CSNK1D: variants seen among roughly 807,000 people sequenced by gnomAD.
CSNK1D encodes the protein casein kinase I isoform delta.
A neutral mutation model predicts 46.6 loss-of-function variants in CSNK1D; 16 were observed. The observed-to-expected ratio is 0.34, with a 90% confidence interval of 0.23 to 0.52. The LOEUF is 0.52. Ranked by LOEUF, CSNK1D falls within the 20% of genes least tolerant of loss-of-function variation. The pLI is 0.95. For synonymous variants in CSNK1D, 276 were observed against 228.2 expected, an observed-to-expected ratio of 1.21 and a Z score of -1.89; for missense variants, 398 against 578.4, an observed-to-expected ratio of 0.69 and a Z score of 3.20.
chr17:82,253,901 C>A (rs1217512608), intron 3 of CSNK1D: 1 of 244,998 alleles, frequency 4.1e-6, no homozygotes, highest in African/African-American at 2.8e-5. Flanking sequence ...AGCTGAGCCG[C>A]CGGAGCCTCG....
Position 82,249,001 on chromosome 17 carries a change from G to A in CSNK1D, c.1071C>T (p.Pro357=). ...CTCTCTCCATGCCGGAGACGGGCCGGGGGGAGGTGTTAGCTGAGGACAGGG... is the reference window on the plus strand; with the variant it reads ...CTCTCTCCATGCCGGAGACGGGCCGAGGGGAGGTGTTAGCTGAGGACAGGG... ...TPTSHTANTS[P]RPVSGMERER... is the part of the protein sequence containing the mutation. The change falls in exon 8 of 9, where the codon CCC becomes CCT. Residue 357 remains proline (P), a synonymous_variant. Coordinates refer to ENST00000314028, the MANE Select transcript of CSNK1D (RefSeq NM_001893.6). The surrounding 1 kb of genome is among the most constrained non-coding windows in gnomAD (Gnocchi z 6.7). 3.2e-6 allele frequency: 5 copies of A among 1,562,198 alleles called. No homozygotes were observed. Among genetic ancestry groups the A allele is most frequent in the Non-Finnish European group, 4.3e-6 (5 of 1,152,306 alleles).
Position 82,255,030 on chromosome 17 carries a change from C to T in CSNK1D, c.336+399G>A, listed in dbSNP as rs1384472686. 1.7e-5 allele frequency: 6 copies of T among 352,168 alleles called. No homozygotes were observed. Among genetic ancestry groups the T allele is most frequent in the East Asian group, 7.8e-5 (1 of 12,742 alleles). The allele number at this position is 352,168 out of a possible 1,614,324, so 21.8% of individuals were successfully genotyped here. On this transcript the variant is annotated intron_variant, in intron 3 of 8. Coordinates refer to ENST00000314028, the MANE Select transcript of CSNK1D (RefSeq NM_001893.6). This position sits in a 1 kb window ranked among gnomAD's most constrained non-coding sequence, Gnocchi z 5.9. ...GCCTCGAGAAGCCAGTGAGCTGAGC[C>T]GTCGGAGCCTCGAGAAGCCAGTGAG...
Position 82,243,402 on chromosome 17 carries a change from C to G in CSNK1D, c.*1379G>C. On this transcript the variant is annotated 3_prime_UTR_variant, in exon 9 of 9. Coordinates refer to ENST00000314028, the MANE Select transcript of CSNK1D (RefSeq NM_001893.6). ...GAGCACATGGCCACTGGCTACCGCC[C>G]AAGTGCTGCGGAGTGAGAGGCGAGA... 1.0e-6 allele frequency: 1 copy of G among 985,516 alleles called. No individual in the cohort carries two copies. The highest frequency in any genetic ancestry group is 1.2e-6 in the Non-Finnish European group (1 of 829,984). 61.0% of individuals were successfully genotyped at this position (985,516 alleles called of 1,614,324 possible). A position where few individuals can be genotyped will look rare whatever the true frequency, so the allele number is the denominator to read the frequency against.
At chr17:82,239,934 G>A, downstream of CSNK1D, 2 of 1,158,538 alleles carry the variant, frequency 1.7e-6, no homozygotes, top group Non-Finnish European at 2.2e-6. Context: ...GGCCAGCAGT[G>A]GCCTGCGTGG....
chr17:82,273,452 G>C lies in CSNK1D; in HGVS notation c.-71C>G, dbSNP rs914077639. The C allele has an allele frequency of 1.3e-5, 20 of 1,569,356 alleles. No individual in the cohort carries two copies. The African/African-American group carries it at 2.6e-4, about 20-fold the overall frequency. On this transcript the variant is annotated 5_prime_UTR_variant, in exon 1 of 9. Transcript: ENST00000314028. This position sits in a 1 kb window ranked among gnomAD's most constrained non-coding sequence, Gnocchi z 5.1. The stretch of plus-strand genomic sequence containing the variant: ...GGTCTGAACTCTGGGAGGCGGCGCC[G>C]CTGCTGCCGCTACTGCGGGTCCGGC...
chr17:82,239,988 T>C (rs2050719088), downstream of CSNK1D: 2 of 1,233,646 alleles, frequency 1.6e-6, no homozygotes, highest in Non-Finnish European at 1.0e-6. Flanking sequence ...AGTAGGTGCG[T>C]CGTGGGCGCT....
chr17:82,263,249 G>C (rs2051385693), intron 2 of CSNK1D, among the ~76,000 whole-genome samples: 1 of 152,196 alleles, frequency 6.6e-6, no homozygotes, highest in Non-Finnish European at 1.5e-5. Context: ...AGGTGTCTGT[G>C]CATTTAACAC....
chr17:82,239,076 T>G, downstream of CSNK1D: 1 of 1,226,550 alleles, frequency 8.2e-7, no homozygotes, highest in South Asian at 1.7e-5. Flanking sequence ...GGGCCACGGC[T>G]GGGCTCCAGC....
Position 82,248,985 on chromosome 17 carries a change from T to A in CSNK1D, c.1087A>T (p.Met363Leu), listed in dbSNP as rs1049612674. ...ANTSPRPVSG[M>L]ERERKVSMRL... Reference sequence around the variant, plus strand: ...ATACTCACTTTCCGCTCTCTCTCCATGCCGGAGACGGGCCGGGGGGAGGTG... The same window carrying A: ...ATACTCACTTTCCGCTCTCTCTCCAAGCCGGAGACGGGCCGGGGGGAGGTG... Residue 363 changes from methionine (M) to leucine (L), a missense_variant, in exon 8 of 9, where the codon ATG becomes TTG. Physicochemically the swap from Met to Leu is conservative, Grantham distance 15. Around this residue, in one of 2 missense-constraint regions of CSNK1D, gnomAD observed 181 missense variants for 208.0 expected, o/e 0.87. Coordinates refer to ENST00000314028, the MANE Select transcript of CSNK1D (RefSeq NM_001893.6). The surrounding 1 kb of genome is among the most constrained non-coding windows in gnomAD (Gnocchi z 4.1). 1.9e-6 allele frequency: 3 copies of A among 1,574,024 alleles called. No individual in the cohort carries two copies. Among genetic ancestry groups the A allele is most frequent in the Admixed American group, 1.8e-5 (1 of 54,542 alleles).
intron 2 of CSNK1D, among the ~76,000 whole-genome samples, chr17:82,259,621 A>G (rs1164430267): frequency 6.6e-6 from 1 of 152,270 alleles, no homozygotes; most frequent in Non-Finnish European, 1.5e-5. Flanking sequence ...TGCCCCAGAC[A>G]CATGGACAAG....
rs1474084619 is a variant in CSNK1D at position 82,248,932 on chromosome 17, G to A, written c.1140C>T (p.Asn380=). The change falls in exon 8 of 9, where the codon AAC becomes AAT. Residue 380 remains asparagine (N), a synonymous_variant. Transcript: ENST00000314028. This position sits in a 1 kb window ranked among gnomAD's most constrained non-coding sequence, Gnocchi z 4.1. ...SMRLHRGAPV[N]ISSSDLTGRQ... The stretch of plus-strand genomic sequence containing the variant: ...GGCCTGTGAGGTCGGACGAGGAGAT[G>A]TTGACGGGGGCCCCGCGGTGCAGCC... The A allele has an allele frequency of 8.1e-6, 13 of 1,607,098 alleles. No individual in the cohort carries two copies. Among genetic ancestry groups the A allele is most frequent in the East Asian group, 2.2e-5 (1 of 44,678 alleles).
At chr17:82,245,560 C>G (rs559461522) in intron 8 of CSNK1D, 3 of 275,536 alleles carry the variant, frequency 1.1e-5, no homozygotes, top group African/African-American at 6.6e-5. Flanking sequence ...CAACACCAAG[C>G]GTGGAGCCAC....
At chr17:82,265,932 A>C in intron 1 of CSNK1D, 136 bp from the exon 2 acceptor site, 2 of 780,266 alleles carry the variant, frequency 2.6e-6, no homozygotes, top group Admixed American at 3.8e-5. Flanking sequence ...CTAGCATAGT[A>C]AGGCGGGCTA....
chr17:82,251,335 C>T lies in CSNK1D; in HGVS notation c.885+44G>A. On this transcript the variant is annotated intron_variant, in intron 6 of 8. Transcript: ENST00000314028. The surrounding 1 kb of genome is among the most constrained non-coding windows in gnomAD (Gnocchi z 4.5). ...GCCGGCCTCTCACTGACAAGCCATCCCCCGCACACCACACTCAGCGAACGT... is the reference window on the plus strand; with the variant it reads ...GCCGGCCTCTCACTGACAAGCCATCTCCCGCACACCACACTCAGCGAACGT... 1 of 1,612,700 alleles carries T rather than the reference C, an allele frequency of 6.2e-7. No homozygotes were observed.
At position 82,255,944 on chromosome 17, in the gene CSNK1D, C is replaced by T. The variant is rs1391599092; in HGVS notation, c.188-367G>A. On this transcript the variant is annotated intron_variant, in intron 2 of 8. Coordinates refer to ENST00000314028, the MANE Select transcript of CSNK1D (RefSeq NM_001893.6). This position sits in a 1 kb window ranked among gnomAD's most constrained non-coding sequence, Gnocchi z 5.9. Reference sequence around the variant, plus strand: ...TCAGGCATAAAGGAGCAGCAGAGCCCGCCAGAAACGTCACACAGGAGATGG... The same window carrying T: ...TCAGGCATAAAGGAGCAGCAGAGCCTGCCAGAAACGTCACACAGGAGATGG... Among the ~76,000 whole-genome samples, 3 of 152,132 alleles carry T rather than the reference C, an allele frequency of 2.0e-5. No homozygotes were observed. Among genetic ancestry groups the T allele is most frequent in the Non-Finnish European group, 2.9e-5 (2 of 68,028 alleles).
rs572602352 is a variant in CSNK1D at position 82,243,521 on chromosome 17, C to T, written c.*1260G>A. On this transcript the variant is annotated 3_prime_UTR_variant, in exon 9 of 9. Transcript: ENST00000314028. ...TGCCTTCTGGTGGGACTCGGCCCCACGCACGCTGCTTCACTTCTGACCAAC... is the reference window on the plus strand; with the variant it reads ...TGCCTTCTGGTGGGACTCGGCCCCATGCACGCTGCTTCACTTCTGACCAAC... The T allele has an allele frequency of 7.3e-5, 72 of 985,494 alleles. 1 individual carries two copies. The South Asian group carries it at 1.7e-3, about 23-fold the overall frequency. 61.0% of individuals were successfully genotyped at this position (985,494 alleles called of 1,614,324 possible).
intron 2 of CSNK1D, among the ~76,000 whole-genome samples, chr17:82,258,707 A>G (rs1435017988): frequency 6.6e-6 from 1 of 152,186 alleles, no homozygotes; most frequent in Admixed American, 6.5e-5. Flanking sequence ...AATGCCTGCC[A>G]TGTGTTCCAG....
chr17:82,241,701 C>T (rs1819084128), downstream of CSNK1D, among the ~76,000 whole-genome samples: 1 of 152,210 alleles, frequency 6.6e-6, no homozygotes, highest in Non-Finnish European at 1.5e-5. Context: ...AAGAGGGAAC[C>T]ACGTGAGGCG....
downstream of CSNK1D, among the ~76,000 whole-genome samples, chr17:82,241,131 G>C (rs1160616101): frequency 6.6e-6 from 1 of 152,164 alleles, no homozygotes; most frequent in African/African-American, 2.4e-5. Flanking sequence ...GGTGGGGGTG[G>C]GGGGCAGAGG....
Sources: gnomAD v4.1 joint callset for allele counts (sites outside exome capture counted in the v4.1 genomes callset) on GRCh38, gnomAD v4.1.1 for gene constraint, gnomAD v4.1.1 regional missense constraint, Gnocchi (gnomAD v3.1) non-coding constraint, MANE v1.5 for transcripts, NCBI Gene and HGNC (gene_info 2026-07-23, HGNC 2026-07-21) for gene names.